RBFOX2: variants seen among roughly 807,000 people sequenced by gnomAD.
RBFOX2 encodes RNA binding fox-1 homolog 2, also known as RNA binding protein fox-1 homolog 2.
In RBFOX2, 10 loss-of-function variants were observed where a neutral mutation model predicts 49.1. That is an observed-to-expected ratio of 0.20 (90% CI 0.13 to 0.35). The LOEUF is 0.35. RBFOX2 is among the 10% of genes least tolerant of loss of function. The pLI is 1.00. For synonymous variants in RBFOX2, 183 were observed against 187.4 expected, an observed-to-expected ratio of 0.98 and a Z score of 0.19; for missense variants, 323 against 486.9, an observed-to-expected ratio of 0.66 and a Z score of 3.17.
At position 35,938,858 on chromosome 22, in the gene RBFOX2, G is replaced by A. The variant is rs1022262354; in HGVS notation, c.-45C>T. On this transcript the variant is annotated 5_prime_UTR_variant, in exon 1 of 14. Coordinates refer to the RBFOX2 transcript ENST00000359369. ...CAGCAGATACCAACCTGGCTGTCCC[G>A]CGCTGGGAATCCATGATAACCTGGA... The A allele has an allele frequency of 2.5e-5, 41 of 1,613,702 alleles. No individual in the cohort carries two copies. The highest frequency in any genetic ancestry group is 6.7e-5 in the African/African-American group (5 of 74,884).
intron 1 of RBFOX2, among the ~76,000 whole-genome samples, chr22:36,020,881 C>T (rs1040717337): frequency 1.3e-5 from 2 of 152,156 alleles, no homozygotes; most frequent in Non-Finnish European, 2.9e-5. Context: ...TTTGACGCAG[C>T]CATCCCATTA....
intron 2 of RBFOX2, among the ~76,000 whole-genome samples, chr22:35,782,311 G>A (rs956148658): frequency 2.0e-5 from 3 of 152,178 alleles, no homozygotes; most frequent in Non-Finnish European, 4.4e-5. Flanking sequence ...GAAAGACCTA[G>A]CAACAACTGA....
chr22:35,750,314 A>G lies in RBFOX2; in HGVS notation c.888-3753T>C, dbSNP rs891805313. 65 of 650,802 alleles carry G rather than the reference A, an allele frequency of 1.0e-4. No individual in the cohort carries two copies. In the Middle Eastern group the frequency reaches 1.0e-3, roughly 10 times the overall value. 40.3% of individuals were successfully genotyped at this position (650,802 alleles called of 1,614,324 possible). A position where few individuals can be genotyped will look rare whatever the true frequency, so the allele number is the denominator to read the frequency against. On this transcript the variant is annotated intron_variant, in intron 9 of 11. Transcript: ENST00000405409. ...GAGAAATAATTCATTTGGAGATATG[A>G]AGTCATGAAATAGCTGATGTGTATT...
In RBFOX2 at chr22:36,020,767, G is replaced by A. The variant is rs2059214643; in HGVS notation, c.186+7473C>T. Among the ~76,000 whole-genome samples, 3 of 152,188 alleles carry A rather than the reference G, an allele frequency of 2.0e-5. No individual in the cohort carries two copies. The South Asian group carries it at 6.2e-4, about 32-fold the overall frequency. Reference sequence around the variant, plus strand: ...AACAACAGGTGCTGGAGAGGATGTGGAGAAATAGGAACACTTTTACACTGT... The same window carrying A: ...AACAACAGGTGCTGGAGAGGATGTGAAGAAATAGGAACACTTTTACACTGT... On this transcript the variant is annotated intron_variant, in intron 1 of 13. Coordinates refer to the RBFOX2 transcript ENST00000438146.
chr22:35,939,659 A>C (rs1040316036), upstream of RBFOX2, among the ~76,000 whole-genome samples: 1 of 152,094 alleles, frequency 6.6e-6, no homozygotes, highest in East Asian at 1.9e-4. Context: ...TCTCATTTTC[A>C]CTTTAAACCA....
chr22:35,789,896 T>C (rs983855842), intron 2 of RBFOX2, among the ~76,000 whole-genome samples: 2 of 152,156 alleles, frequency 1.3e-5, no homozygotes, highest in African/African-American at 4.8e-5. Flanking sequence ...AGGTGGCAGG[T>C]AGCTAAAAAA....
At chr22:35,889,874 G>T (rs1403482090) in intron 1 of RBFOX2, among the ~76,000 whole-genome samples, 1 of 152,092 alleles carries the variant, frequency 6.6e-6, no homozygotes, top group African/African-American at 2.4e-5. Context: ...GTTGTTATTA[G>T]CTTATTTTTG....
At chr22:35,742,276 C>G (rs985695885) in exon 12 of RBFOX2, 15 of 152,258 alleles carry the variant, frequency 9.9e-5, no homozygotes, top group Admixed American at 9.2e-4. Context: ...TTGACATCGC[C>G]CCTAGTTTCA....
intron 1 of RBFOX2, chr22:35,898,162 A>T (rs1268449880): frequency 1.1e-5 from 8 of 745,972 alleles, no homozygotes; most frequent in Non-Finnish European, 2.0e-5. Context: ...ATAGGGTATG[A>T]TCACCTGTGA....
intron 1 of RBFOX2, among the ~76,000 whole-genome samples, chr22:35,884,772 C>G (rs1169043337): frequency 6.6e-6 from 1 of 152,196 alleles, no homozygotes; most frequent in Non-Finnish European, 1.5e-5. Flanking sequence ...GTGGGGATCA[C>G]TAGGGACCAT....
intron 1 of RBFOX2, among the ~76,000 whole-genome samples, chr22:35,936,417 C>T (rs1218071189): frequency 6.6e-6 from 1 of 152,108 alleles, no homozygotes; most frequent in Non-Finnish European, 1.5e-5. Context: ...TGATAAATGC[C>T]TCCCAAATCT....
intron 5 of RBFOX2, 50 bp downstream of exon 6, chr22:35,768,207 A>G (rs751824186): frequency 6.3e-7 from 1 of 1,585,044 alleles, no homozygotes; most frequent in South Asian, 1.1e-5. Context: ...CAACACGAAA[A>G]AAGAGAAATA....
At chr22:36,021,579 G>T (rs2059249737) in intron 1 of RBFOX2, among the ~76,000 whole-genome samples, 1 of 151,524 alleles carries the variant, frequency 6.6e-6, no homozygotes, top group Admixed American at 6.6e-5. Flanking sequence ...AATAATCAAA[G>T]CAATCTGGCT....
chr22:35,882,057 C>G (rs1455154280), intron 1 of RBFOX2, among the ~76,000 whole-genome samples: 1 of 151,652 alleles, frequency 6.6e-6, no homozygotes, highest in African/African-American at 2.4e-5. Context: ...ACATTTTACC[C>G]GGCTGGTAAA....
At chr22:35,895,731 A>G (rs372893932) in intron 1 of RBFOX2, among the ~76,000 whole-genome samples, 12 of 152,118 alleles carry the variant, frequency 7.9e-5, no homozygotes, top group African/African-American at 2.9e-4. Context: ...TAGATCTACA[A>G]GTACTATCAT....
Position 35,862,006 on chromosome 22 carries a change from C to T in RBFOX2, c.-33-52002G>A, listed in dbSNP as rs532964805. On this transcript the variant is annotated intron_variant, in intron 1 of 13. Transcript: ENST00000359369. ...TGAATTTCAAAATAATTATGCTGAG[C>T]GAAAGAAGCCACGCAAAACAGTACT... Among the ~76,000 whole-genome samples, 80 of 152,072 alleles carry T rather than the reference C, an allele frequency of 5.3e-4. 1 individual carries two copies. The highest frequency in any genetic ancestry group is 3.5e-3 in the South Asian group (17 of 4,822).
At chr22:35,997,976 T>A (rs891702583) in intron 1 of RBFOX2, 1 of 152,208 alleles carries the variant, frequency 6.6e-6, no homozygotes, top group East Asian at 1.9e-4. Flanking sequence ...CACTCCAGAC[T>A]GGGTGACAGA....
At chr22:35,811,892 TG>T (rs1409526893) in intron 1 of RBFOX2, among the ~76,000 whole-genome samples, 1 of 144,302 alleles carries the variant, frequency 6.9e-6, no homozygotes, top group Non-Finnish European at 1.5e-5. Flanking sequence ...GCCCAGGAGC[TG>T]GAGGCTGCAG....
At chr22:35,856,999 T>C (rs767648396) in intron 1 of RBFOX2, among the ~76,000 whole-genome samples, 2 of 152,058 alleles carry the variant, frequency 1.3e-5, no homozygotes, top group Non-Finnish European at 2.9e-5. Flanking sequence ...ACCACTGCAC[T>C]CCAGCATGGG....
Sources: allele counts gnomAD v4.1 joint callset (sites outside exome capture counted in the v4.1 genomes callset), GRCh38; gene constraint gnomAD v4.1.1; transcripts MANE v1.5; gene names NCBI Gene and HGNC (gene_info 2026-07-23, HGNC 2026-07-21).